MEGF11: variants seen among roughly 807,000 people sequenced by gnomAD.
The protein encoded by MEGF11 is multiple EGF like domains 11, also known as multiple epidermal growth factor-like domains protein 11.
Under a neutral mutation model 146.6 loss-of-function variants are expected in MEGF11, and 126 were observed. The ratio of observed to expected loss-of-function variants is 0.86; its 90% CI spans 0.74 to 1.00. The LOEUF (loss-of-function observed/expected upper bound fraction) is 1.00. Ranked by LOEUF, MEGF11 falls within the 50% of genes least tolerant of loss-of-function variation. MEGF11 has a pLI of 0.00. For missense variants in MEGF11, 1,509 were observed against 1,521.2 expected (o/e 0.99, Z 0.13); for synonymous variants, 532 against 583.4 (o/e 0.91, Z 1.27).
At chr15:66,042,734 C>T (rs967377528) in intron 5 of MEGF11, among the ~76,000 whole-genome samples, 1 of 152,216 alleles carries the variant, frequency 6.6e-6, no homozygotes, top group African/African-American at 2.4e-5. Context: ...GCCTTCCTTG[C>T]TGGCCGCTGC....
intron 5 of MEGF11, among the ~76,000 whole-genome samples, chr15:65,996,330 A>G (rs747465789): frequency 2.6e-5 from 4 of 152,180 alleles, no homozygotes; most frequent in Non-Finnish European, 5.9e-5. Context: ...CCATTGAATG[A>G]TAGGCAGAAA....
chr15:66,219,810 A>G (rs1305585956), intron 1 of MEGF11, among the ~76,000 whole-genome samples: 2 of 152,206 alleles, frequency 1.3e-5, no homozygotes, highest in Non-Finnish European at 2.9e-5. Context: ...GAGAAAGTTT[A>G]TAGCAGCCTT....
intron 9 of MEGF11, among the ~76,000 whole-genome samples, chr15:65,958,708 T>C (rs892658107): frequency 1.3e-5 from 2 of 152,192 alleles, no homozygotes; most frequent in Non-Finnish European, 1.5e-5. Flanking sequence ...CTCCCAACTT[T>C]CCTTCCTTCC....
chr15:65,913,694 G>T lies in MEGF11; in HGVS notation c.2710+43C>A, dbSNP rs545863697. 192 of 1,513,360 alleles carry T rather than the reference G, an allele frequency of 1.3e-4. 1 individual carries two copies. The South Asian group carries it at 2.2e-3, about 17-fold the overall frequency. 93.7% of individuals were successfully genotyped at this position (1,513,360 alleles called of 1,614,324 possible). ...GCACAACCATTCCTGGGGTATGTGT[G>T]TGTGGAGGGGAAGAGGAGGGAGGCC... On this transcript the variant is annotated intron_variant, in intron 20 of 25. Transcript: ENST00000395614.
chr15:65,899,666 T>C (rs1446994668), intron 24 of MEGF11, among the ~76,000 whole-genome samples: 1 of 152,232 alleles, frequency 6.6e-6, no homozygotes, highest in Admixed American at 6.5e-5. Context: ...GAAGTGTAAT[T>C]GAGGTGTAAA....
intron 1 of MEGF11, among the ~76,000 whole-genome samples, chr15:66,197,049 T>C (rs977558450): frequency 2.0e-5 from 3 of 152,222 alleles, no homozygotes; most frequent in Non-Finnish European, 4.4e-5. Context: ...TCTGAGTATA[T>C]GCTGGAGATT....
chr15:66,167,978 T>C (rs1040508681), intron 1 of MEGF11, among the ~76,000 whole-genome samples: 2 of 152,148 alleles, frequency 1.3e-5, no homozygotes, highest in Non-Finnish European at 2.9e-5. Context: ...GCCTCCAAGA[T>C]GGGCCTCCTG....
intron 15 of MEGF11, among the ~76,000 whole-genome samples, chr15:65,919,769 G>A (rs1317100302): frequency 6.6e-6 from 1 of 152,066 alleles, no homozygotes; most frequent in Non-Finnish European, 1.5e-5. Flanking sequence ...ATAGGCACGC[G>A]CCACCATGTC....
chr15:66,151,082 GTCCCACC>G (rs1389727650), intron 1 of MEGF11, among the ~76,000 whole-genome samples: 58 of 152,288 alleles, frequency 3.8e-4, no homozygotes, highest in African/African-American at 1.4e-3. Context: ...TTTCAGGAGT[GTCCCACC>G]TCCCACCTTT....
chr15:65,934,502 C>T (rs1014203346), intron 10 of MEGF11, among the ~76,000 whole-genome samples: 2 of 152,186 alleles, frequency 1.3e-5, no homozygotes, highest in African/African-American at 2.4e-5. Context: ...CCACCCACCT[C>T]GGCCTCCCAA....
At chr15:65,914,421 CAG>C (rs1484584361) in intron 19 of MEGF11, among the ~76,000 whole-genome samples, 1 of 152,154 alleles carries the variant, frequency 6.6e-6, no homozygotes, top group African/African-American at 2.4e-5. Flanking sequence ...TTGTGTGGCT[CAG>C]AGTCCCTGGT....
intron 1 of MEGF11, among the ~76,000 whole-genome samples, chr15:66,149,903 G>T (rs991958981): frequency 6.6e-6 from 1 of 152,244 alleles, no homozygotes; most frequent in East Asian, 1.9e-4. Flanking sequence ...GCATCACTCA[G>T]CACTGGGCTC....
intron 9 of MEGF11, among the ~76,000 whole-genome samples, chr15:65,962,179 T>G (rs1018669055): frequency 6.6e-6 from 1 of 152,152 alleles, no homozygotes; most frequent in Admixed American, 6.5e-5. Context: ...GAGAAGACTC[T>G]ATAATGGGCC....
At chr15:66,164,290 A>G (rs2090038509) in intron 1 of MEGF11, among the ~76,000 whole-genome samples, 1 of 152,204 alleles carries the variant, frequency 6.6e-6, no homozygotes, top group Admixed American at 6.5e-5. Context: ...GTTGCACTGC[A>G]CAGCTTGGAG....
At position 65,906,111 on chromosome 15, in the gene MEGF11, G is replaced by C; in HGVS notation, c.3029C>G (p.Thr1010Arg). ...TTTGAAGCCTTTGTCCATAATGTATGTGTTCTGACGTCTATCCATTCCACA... is the reference window on the plus strand; with the variant it reads ...TTTGAAGCCTTTGTCCATAATGTATCTGTTCTGACGTCTATCCATTCCACA... ...GACGMDRRQN[T>R]YIMDKGFKDY... The change falls in exon 24 of 26, where the codon ACA becomes AGA. Residue 1010 changes from threonine (T) to arginine (R), a missense_variant. Physicochemically the swap from Thr to Arg is moderately conservative, Grantham distance 71. Transcript: ENST00000395614. The C allele has an allele frequency of 6.2e-7, 1 of 1,611,022 alleles. No homozygotes were observed. The highest frequency in any genetic ancestry group is 2.2e-5 in the East Asian group (1 of 44,868).
At chr15:66,120,542 C>T (rs1483263407) in intron 3 of MEGF11, among the ~76,000 whole-genome samples, 2 of 152,210 alleles carry the variant, frequency 1.3e-5, no homozygotes, top group African/African-American at 4.8e-5. Context: ...GAAGAGAGTC[C>T]TGTAATACAG....
At chr15:66,213,095 C>A (rs1303843190) in intron 1 of MEGF11, among the ~76,000 whole-genome samples, 4 of 152,176 alleles carry the variant, frequency 2.6e-5, no homozygotes, top group African/African-American at 7.2e-5. Context: ...AATCCCTGCA[C>A]TGGGGAAGTG....
At chr15:66,159,938 C>G (rs541835279) in intron 1 of MEGF11, among the ~76,000 whole-genome samples, 5 of 152,082 alleles carry the variant, frequency 3.3e-5, no homozygotes, top group African/African-American at 1.2e-4. Context: ...TCTTCTAGAT[C>G]AGGAAAAGGC....
intron 1 of MEGF11, among the ~76,000 whole-genome samples, chr15:66,156,028 C>T (rs977735506): frequency 6.6e-6 from 1 of 152,144 alleles, no homozygotes; most frequent in Non-Finnish European, 1.5e-5. Context: ...CTGAGTTGGT[C>T]TTCAGGGAAG....
Sources: allele counts gnomAD v4.1 joint callset (sites outside exome capture counted in the v4.1 genomes callset), GRCh38; gene constraint gnomAD v4.1.1; transcripts MANE v1.5; gene names NCBI Gene and HGNC (gene_info 2026-07-23, HGNC 2026-07-21).